SLC35F1: variants seen among roughly 807,000 people sequenced by gnomAD.
SLC35F1 encodes the protein chromosome 6 open reading frame 169.
In SLC35F1, 14 loss-of-function variants were observed where a neutral mutation model predicts 48.7. The ratio of observed to expected loss-of-function variants is 0.29; its 90% CI spans 0.19 to 0.45. The LOEUF is 0.45. Ranked by LOEUF, SLC35F1 falls within the 20% of genes least tolerant of loss-of-function variation. The probability of loss-of-function intolerance (pLI) is 1.00; values close to 1 mark genes in which losing one functional copy is unlikely to be tolerated. For synonymous variants in SLC35F1, 190 were observed against 202.2 expected (o/e 0.94, Z 0.51); for missense variants, 404 against 500.0 (o/e 0.81, Z 1.83).
intron 1 of SLC35F1, among the ~76,000 whole-genome samples, chr6:117,980,932 A>G (rs533749294): frequency 6.6e-6 from 1 of 152,344 alleles, no homozygotes; most frequent in South Asian, 2.1e-4. Flanking sequence ...TGTAAGCAAT[A>G]AAGTGACATA....
intron 6 of SLC35F1, among the ~76,000 whole-genome samples, chr6:118,278,582 G>C (rs574281359): frequency 1.3e-5 from 2 of 152,118 alleles, no homozygotes; most frequent in Non-Finnish European, 2.9e-5. Context: ...TAGTGACTTC[G>C]AGGGCTGACC....
At chr6:117,931,419 A>AT (rs1246705407) in intron 1 of SLC35F1, among the ~76,000 whole-genome samples, 5 of 152,006 alleles carry the variant, frequency 3.3e-5, no homozygotes, top group Non-Finnish European at 5.9e-5. Context: ...CCCCAAAGAC[A>AT]TTTTTTTCTT....
intron 1 of SLC35F1, among the ~76,000 whole-genome samples, chr6:118,023,933 C>T (rs1777431173): frequency 6.6e-6 from 1 of 152,088 alleles, no homozygotes; most frequent in Non-Finnish European, 1.5e-5. Flanking sequence ...CTGCTGGGCC[C>T]CAGTGAGTCA....
At chr6:118,159,335 T>C (rs1047575861) in intron 2 of SLC35F1, among the ~76,000 whole-genome samples, 1 of 151,702 alleles carries the variant, frequency 6.6e-6, no homozygotes, top group African/African-American at 2.4e-5. Flanking sequence ...TGACATTGTA[T>C]GAAGTTTGAG....
In SLC35F1 at chr6:118,262,651, C is replaced by T. The variant is rs1438787985; in HGVS notation, c.478-4344C>T. The stretch of plus-strand genomic sequence containing the variant: ...GCTTTTCTCTTAGACCATCAGTTCC[C>T]TTATTTATAGAGTAGATACAGTCAT... On this transcript the variant is annotated intron_variant, in intron 3 of 7. Coordinates refer to ENST00000360388, the MANE Select transcript of SLC35F1 (RefSeq NM_001029858.4). 3.9e-5 allele frequency among the ~76,000 whole-genome samples: 6 copies of T among 152,246 alleles called. No homozygotes were observed. The South Asian group carries it at 8.3e-4, about 21-fold the overall frequency.
intron 1 of SLC35F1, among the ~76,000 whole-genome samples, chr6:117,968,933 G>A (rs1776604981): frequency 6.6e-6 from 1 of 152,168 alleles, no homozygotes; most frequent in Non-Finnish European, 1.5e-5. Context: ...TTTCCCTTCT[G>A]TCTGTTGTAT....
intron 1 of SLC35F1, among the ~76,000 whole-genome samples, chr6:118,106,062 A>G (rs1335914910): frequency 6.6e-6 from 1 of 152,164 alleles, no homozygotes; most frequent in Non-Finnish European, 1.5e-5. Flanking sequence ...ACAAATTGGT[A>G]GTCATAGGAA....
At chr6:118,100,949 T>G (rs1773248875) in intron 1 of SLC35F1, among the ~76,000 whole-genome samples, 1 of 152,150 alleles carries the variant, frequency 6.6e-6, no homozygotes, top group African/African-American at 2.4e-5. Context: ...TCCAGTCACT[T>G]GGGAAATTCC....
chr6:117,972,706 G>A (rs1776658514), intron 1 of SLC35F1, among the ~76,000 whole-genome samples: 1 of 152,060 alleles, frequency 6.6e-6, no homozygotes, highest in South Asian at 2.1e-4. Context: ...AGAACAGCAT[G>A]GGAAAAACCT....
At chr6:118,026,590 T>G (rs1370035020) in intron 1 of SLC35F1, among the ~76,000 whole-genome samples, 1 of 152,194 alleles carries the variant, frequency 6.6e-6, no homozygotes, top group African/African-American at 2.4e-5. Flanking sequence ...CAGTTTAAAT[T>G]TTTACTTCTG....
At chr6:118,173,762 G>C (rs1023326636) in intron 2 of SLC35F1, among the ~76,000 whole-genome samples, 4 of 152,170 alleles carry the variant, frequency 2.6e-5, no homozygotes, top group Non-Finnish European at 4.4e-5. Context: ...ATTTCAGGCA[G>C]AGAAAGAGAG....
intron 3 of SLC35F1, among the ~76,000 whole-genome samples, chr6:118,256,096 A>G (rs1193682749): frequency 2.0e-5 from 3 of 152,172 alleles, no homozygotes; most frequent in African/African-American, 7.2e-5. Context: ...TGGGATGGTG[A>G]CAAATCCAGG....
chr6:118,202,886 C>G (rs981910660), intron 2 of SLC35F1, among the ~76,000 whole-genome samples: 2 of 152,214 alleles, frequency 1.3e-5, no homozygotes, highest in East Asian at 3.9e-4. Flanking sequence ...ATAATAAGTT[C>G]TAGCCACATC....
At chr6:117,972,237 C>T (rs1011625357) in intron 1 of SLC35F1, among the ~76,000 whole-genome samples, 7 of 152,202 alleles carry the variant, frequency 4.6e-5, no homozygotes, top group Non-Finnish European at 1.0e-4. Context: ...TCCACATCTC[C>T]TTATGAGACC....
At chr6:117,944,662 TG>T (rs1776273460) in intron 1 of SLC35F1, among the ~76,000 whole-genome samples, 2 of 151,760 alleles carry the variant, frequency 1.3e-5, no homozygotes, top group South Asian at 4.2e-4. Context: ...ACGTATTAGT[TG>T]ATTTGTTTCA....
At chr6:117,948,568 T>C (rs570785650) in intron 1 of SLC35F1, among the ~76,000 whole-genome samples, 10 of 152,304 alleles carry the variant, frequency 6.6e-5, no homozygotes, top group African/African-American at 1.7e-4. Context: ...CCAGAATCTA[T>C]CACATATCAA....
At chr6:117,978,056 G>A (rs1309631753) in intron 1 of SLC35F1, among the ~76,000 whole-genome samples, 3 of 152,074 alleles carry the variant, frequency 2.0e-5, no homozygotes, top group Non-Finnish European at 4.4e-5. Flanking sequence ...ACTAATACAA[G>A]TATTTATTAC....
intron 2 of SLC35F1, among the ~76,000 whole-genome samples, chr6:118,229,530 G>C (rs112016469): frequency 6.6e-6 from 1 of 152,220 alleles, no homozygotes; most frequent in Admixed American, 6.5e-5. Flanking sequence ...CATGACTCAT[G>C]AGGATAATGT....
intron 1 of SLC35F1, among the ~76,000 whole-genome samples, chr6:117,910,754 G>A (rs576369876): frequency 2.0e-5 from 3 of 152,298 alleles, no homozygotes; most frequent in African/African-American, 7.2e-5. Flanking sequence ...GCAATGGGAC[G>A]AGAAATATTA....
Sources: allele counts gnomAD v4.1 joint callset (sites outside exome capture counted in the v4.1 genomes callset), GRCh38; gene constraint gnomAD v4.1.1; transcripts MANE v1.5; gene names NCBI Gene and HGNC (gene_info 2026-07-23, HGNC 2026-07-21).